MAPK8IP3: variants seen among roughly 807,000 people sequenced by gnomAD.
The protein encoded by MAPK8IP3 is C-Jun-amino-terminal kinase-interacting protein 3.
A neutral mutation model predicts 157.8 loss-of-function variants in MAPK8IP3; 49 were observed. The ratio of observed to expected loss-of-function variants is 0.31; its 90% CI spans 0.25 to 0.39. The LOEUF is 0.39. Ranked by LOEUF, MAPK8IP3 falls within the 10% of genes least tolerant of loss-of-function variation. MAPK8IP3 has a pLI of 1.00. For synonymous variants in MAPK8IP3, 897 were observed against 777.7 expected (o/e 1.15, Z -2.55); for missense variants, 1,478 against 1,889.4 (o/e 0.78, Z 4.04).
intron 1 of MAPK8IP3, among the ~76,000 whole-genome samples, chr16:1,708,522 C>A (rs770344903): frequency 6.6e-6 from 1 of 152,214 alleles, no homozygotes; most frequent in Non-Finnish European, 1.5e-5. Context: ...GGAATTATAA[C>A]CTTGCCGCTT....
At chr16:1,725,807 C>T (rs1438868845) in intron 2 of MAPK8IP3, among the ~76,000 whole-genome samples, 4 of 151,938 alleles carry the variant, frequency 2.6e-5, no homozygotes, top group South Asian at 2.1e-4. Flanking sequence ...AAGTGATTCT[C>T]CTGCCTCAGC....
intron 8 of MAPK8IP3, among the ~76,000 whole-genome samples, chr16:1,752,927 C>T (rs1327588320): frequency 6.6e-6 from 1 of 152,182 alleles, no homozygotes; most frequent in Non-Finnish European, 1.5e-5. Context: ...AATCAACTCG[C>T]CCCATGTCCA....
chr16:1,758,969 G>T lies in MAPK8IP3; in HGVS notation c.1229-9G>T, dbSNP rs2041777392. ...GCCCATCTCCTGTGGGACGGGGACGGCTCCCTAGTGCGCGATGATTTCTTT... is the reference window on the plus strand; with the variant it reads ...GCCCATCTCCTGTGGGACGGGGACGTCTCCCTAGTGCGCGATGATTTCTTT... On this transcript the variant is annotated splice_polypyrimidine_tract_variant and intron_variant, in intron 9 of 31. Coordinates refer to ENST00000610761, the MANE Select transcript of MAPK8IP3 (RefSeq NM_001318852.2). 6.2e-7 allele frequency: 1 copy of T among 1,614,036 alleles called. No individual in the cohort carries two copies. The highest frequency in any genetic ancestry group is 1.3e-5 in the African/African-American group (1 of 74,928).
At chr16:1,714,251 C>CTGTTAGGGACAA (rs2037989226) in intron 1 of MAPK8IP3, 1 of 147,074 alleles carries the variant, frequency 6.8e-6, no homozygotes, top group Admixed American at 6.6e-5. Flanking sequence ...TTTGTAAGCC[C>CTGTTAGGGACAA]GCTCACCCCG....
In MAPK8IP3 at chr16:1,736,953, C is replaced by T. The variant is rs532389611; in HGVS notation, c.603-6379C>T. Among the ~76,000 whole-genome samples the T allele has an allele frequency of 4.7e-5, 3 of 63,782 alleles. 1 individual carries two copies. The highest frequency in any genetic ancestry group is 1.3e-3 in the East Asian group (2 of 1,574). 41.8% of individuals were successfully genotyped at this position (63,782 alleles called of 152,430 possible). On this transcript the variant is annotated intron_variant, in intron 4 of 31. Coordinates refer to ENST00000610761, the MANE Select transcript of MAPK8IP3 (RefSeq NM_001318852.2). ...GAGCATCCGTGACCGTCCATGTGAG[C>T]GTGTGACCGTCCGTGTGACCGTCCG...
chr16:1,746,707 G>A (rs780499172), intron 5 of MAPK8IP3: 7 of 356,372 alleles, frequency 2.0e-5, no homozygotes, highest in Non-Finnish European at 3.1e-5. Context: ...GGGGGCTGCC[G>A]CTGTGTCCCT....
rs573166581 is a variant in MAPK8IP3 at position 1,725,456 on chromosome 16, C to T, written c.439+779C>T. On this transcript the variant is annotated intron_variant, in intron 2 of 31. Coordinates refer to ENST00000610761, the MANE Select transcript of MAPK8IP3 (RefSeq NM_001318852.2). ...CAGCCTGGCCAACATGGCGAAACCC[C>T]GTCTCTATAAAAATATAAAAATTAC... Among the ~76,000 whole-genome samples, 412 of 151,032 alleles carry T rather than the reference C, an allele frequency of 2.7e-3. 3 individuals are homozygous for T. Among genetic ancestry groups the T allele is most frequent in the African/African-American group, 9.5e-3 (394 of 41,294 alleles).
chr16:1,763,802 G>A lies in MAPK8IP3; in HGVS notation c.2025+19G>A. On this transcript the variant is annotated intron_variant, in intron 17 of 31. Transcript: ENST00000610761. ...CAAGCAGGTGCGGGCGGGCGCTGCG[G>A]GGACCGGGCGGGGCCCCGCAGAGGC... is the stretch of plus-strand genomic sequence containing the variant. 6.7e-7 allele frequency: 1 copy of A among 1,485,046 alleles called. No individual in the cohort carries two copies. Among genetic ancestry groups the A allele is most frequent in the South Asian group, 1.3e-5 (1 of 77,260 alleles). 92.0% of individuals were successfully genotyped at this position (1,485,046 alleles called of 1,614,324 possible). A position where few individuals can be genotyped will look rare whatever the true frequency, so the allele number is the denominator to read the frequency against.
chr16:1,768,418 G>T, intron 30 of MAPK8IP3, 40 bp downstream of exon 30: 4 of 1,596,796 alleles, frequency 2.5e-6, no homozygotes, highest in Non-Finnish European at 3.4e-6. Context: ...TCCCCTGCAT[G>T]CCAGTGGCCG....
At position 1,766,777 on chromosome 16, in the gene MAPK8IP3, G is replaced by A. The variant is rs764400349; in HGVS notation, c.2994G>A (p.Lys998=). The A allele has an allele frequency of 5.6e-6, 9 of 1,612,710 alleles. No individual in the cohort carries two copies. In the South Asian group the frequency reaches 8.8e-5, roughly 16 times the overall value. ...ANWKKCLHSI[K]LKDSVLSLVH... ...GGAAGAAGTGCCTGCACTCCATCAA[G>A]CTGAAGGATTCTGTGCTGAGCCTGG... The change falls in exon 24 of 32, where the codon AAG becomes AAA. Residue 998 remains lysine, a synonymous_variant. Coordinates refer to ENST00000610761, the MANE Select transcript of MAPK8IP3 (RefSeq NM_001318852.2).
intron 8 of MAPK8IP3, among the ~76,000 whole-genome samples, chr16:1,753,083 C>G (rs1381110252): frequency 6.6e-6 from 1 of 152,196 alleles, no homozygotes; most frequent in Non-Finnish European, 1.5e-5. Context: ...TTGCACGTGA[C>G]GGGAGGGTGC....
chr16:1,738,515 C>G (rs1490537255), intron 4 of MAPK8IP3, among the ~76,000 whole-genome samples: 1 of 121,248 alleles, frequency 8.2e-6, no homozygotes, highest in Non-Finnish European at 1.7e-5. Context: ...TGTGACCATC[C>G]ATGTGAGCAT....
intron 8 of MAPK8IP3, among the ~76,000 whole-genome samples, chr16:1,755,694 A>G (rs767340344): frequency 2.6e-5 from 4 of 152,088 alleles, no homozygotes; most frequent in Non-Finnish European, 5.9e-5. Context: ...TAAAAATACA[A>G]AAATTACCTG....
At chr16:1,746,431 T>C (rs1180004853) in intron 5 of MAPK8IP3, 1 of 152,082 alleles carries the variant, frequency 6.6e-6, no homozygotes, top group African/African-American at 2.4e-5. Flanking sequence ...TGAGCAGGGA[T>C]TGTGGTTTCT....
rs1596522163 is a variant in MAPK8IP3 at position 1,706,904 on chromosome 16, A to C, written c.318+247A>C. Among the ~76,000 whole-genome samples, 5 of 53,058 alleles carry C rather than the reference A, an allele frequency of 9.4e-5. No homozygotes were observed. The highest frequency in any genetic ancestry group is 3.0e-4 in the African/African-American group (4 of 13,474). The allele number at this position is 53,058 out of a possible 152,430, so 34.8% of individuals were successfully genotyped here. On this transcript the variant is annotated intron_variant, in intron 1 of 31. Transcript: ENST00000610761. The surrounding 1 kb of genome is among the most constrained non-coding windows in gnomAD (Gnocchi z 5.1). The stretch of plus-strand genomic sequence containing the variant: ...ACTCCCCCGCCTGCCCCGGGACCCC[A>C]CCCCGACTCCCGGGGACCCCCTTTT...
At chr16:1,713,547 A>G (rs1428869345) in intron 1 of MAPK8IP3, 1 of 152,232 alleles carries the variant, frequency 6.6e-6, no homozygotes, top group Non-Finnish European at 1.5e-5. Context: ...TTTCCTGTTT[A>G]ATGAACATTT....
intron 12 of MAPK8IP3, 133 bp downstream of exon 12, chr16:1,760,665 C>G (rs2041880148): frequency 8.9e-7 from 1 of 1,124,482 alleles, no homozygotes; most frequent in African/African-American, 1.6e-5. Context: ...AGCTCCAGCT[C>G]ACAGCCACTC....
At chr16:1,766,487 C>G (rs1333672458) in intron 22 of MAPK8IP3, 42 bp from the exon 23 acceptor site, 1 of 1,605,128 alleles carries the variant, frequency 6.2e-7, no homozygotes, top group South Asian at 1.1e-5. Flanking sequence ...GGGGCAGGTG[C>G]GTGCTCCGTG....
At chr16:1,709,548 A>G (rs1229588692) in intron 1 of MAPK8IP3, among the ~76,000 whole-genome samples, 4 of 152,276 alleles carry the variant, frequency 2.6e-5, no homozygotes, top group Non-Finnish European at 4.4e-5. Flanking sequence ...GGCACCGGAC[A>G]TTGCTAGCCG....
Sources: gnomAD v4.1 joint callset for allele counts (sites outside exome capture counted in the v4.1 genomes callset) on GRCh38, gnomAD v4.1.1 for gene constraint, Gnocchi (gnomAD v3.1) non-coding constraint, MANE v1.5 for transcripts, NCBI Gene and HGNC (gene_info 2026-07-23, HGNC 2026-07-21) for gene names.